Variants in IQSEC1 observed in about 807,000 individuals in gnomAD.
IQSEC1 encodes the protein IQ motif and SEC7 domain-containing protein 1.
Under a neutral mutation model 91.0 loss-of-function variants are expected in IQSEC1, and 31 were observed. That is an observed-to-expected ratio of 0.34 (90% CI 0.26 to 0.46). IQSEC1 has a LOEUF of 0.46. IQSEC1 is among the 20% of genes least tolerant of loss of function. IQSEC1 has a pLI of 1.00. For missense variants in IQSEC1, 1,388 were observed against 1,575.6 expected, an observed-to-expected ratio of 0.88 and a Z score of 2.02; for synonymous variants, 699 against 662.6, an observed-to-expected ratio of 1.05 and a Z score of -0.84.
At chr3:12,942,384 C>A (rs1052282503) in intron 1 of IQSEC1, among the ~76,000 whole-genome samples, 1 of 152,142 alleles carries the variant, frequency 6.6e-6, no homozygotes, top group Non-Finnish European at 1.5e-5. Flanking sequence ...GGGCGGATCA[C>A]GAGGTCAGGA....
intron 1 of IQSEC1, among the ~76,000 whole-genome samples, chr3:13,050,513 G>C (rs1430753597): frequency 6.6e-6 from 1 of 152,206 alleles, no homozygotes; most frequent in Non-Finnish European, 1.5e-5. Context: ...ATGCATATTT[G>C]AGATACATCA....
At chr3:13,255,528 G>A (rs545698414) in intron 1 of IQSEC1, among the ~76,000 whole-genome samples, 1 of 152,148 alleles carries the variant, frequency 6.6e-6, no homozygotes, top group Non-Finnish European at 1.5e-5. Flanking sequence ...AAAAAGTCTT[G>A]TATAATACAA....
chr3:13,256,365 T>G (rs1388928802), intron 1 of IQSEC1, among the ~76,000 whole-genome samples: 1 of 152,224 alleles, frequency 6.6e-6, no homozygotes, highest in Non-Finnish European at 1.5e-5. Flanking sequence ...TAAAAAAATC[T>G]ATGACACATC....
At chr3:13,059,835 C>T (rs1705003814) in intron 1 of IQSEC1, among the ~76,000 whole-genome samples, 1 of 152,006 alleles carries the variant, frequency 6.6e-6, no homozygotes, top group South Asian at 2.1e-4. Context: ...GGTCTCTGGT[C>T]ACTCTGTTGG....
In IQSEC1 at chr3:12,902,339, TG is replaced by T. The variant is rs752747183; in HGVS notation, c.2805+433del. Among the ~76,000 whole-genome samples the T allele has an allele frequency of 4.0e-5, 6 of 151,586 alleles. No homozygotes were observed. The South Asian group carries it at 1.2e-3, about 32-fold the overall frequency. ...AGAAAGCGATGAGGATGGGCGGGCG[TG>T]GAAGTCAAGGGTTCAGCAAAAACAT... On this transcript the variant is annotated intron_variant, in intron 13 of 13. Transcript: ENST00000613206.
intron 1 of IQSEC1, among the ~76,000 whole-genome samples, chr3:13,260,426 T>C (rs1048707695): frequency 2.0e-5 from 3 of 152,214 alleles, no homozygotes; most frequent in Admixed American, 1.3e-4. Flanking sequence ...AATCCCTGAA[T>C]GGCTTCTGTC....
At chr3:12,906,268 G>A (rs923185249) in intron 12 of IQSEC1, among the ~76,000 whole-genome samples, 1 of 152,196 alleles carries the variant, frequency 6.6e-6, no homozygotes, top group African/African-American at 2.4e-5. Context: ...GCTCATCGTG[G>A]TGTTTCAGGC....
At chr3:12,958,139 C>T (rs1336859330) in intron 1 of IQSEC1, among the ~76,000 whole-genome samples, 2 of 152,188 alleles carry the variant, frequency 1.3e-5, no homozygotes, top group South Asian at 2.1e-4. Context: ...CATCGAGCTC[C>T]CCCTGCCCTT....
At chr3:12,968,220 G>C (rs1414026631) in intron 1 of IQSEC1, among the ~76,000 whole-genome samples, 1 of 152,160 alleles carries the variant, frequency 6.6e-6, no homozygotes, top group Admixed American at 6.5e-5. Flanking sequence ...TGCCTGGACC[G>C]AACCGTGTGG....
intron 2 of IQSEC1, among the ~76,000 whole-genome samples, chr3:13,129,860 G>C (rs1477492070): frequency 6.6e-6 from 1 of 151,530 alleles, no homozygotes; most frequent in Non-Finnish European, 1.5e-5. Context: ...GGGTTTCACC[G>C]TGTTAGCCTG....
chr3:13,122,013 C>T (rs1472414115), intron 2 of IQSEC1, among the ~76,000 whole-genome samples: 1 of 152,264 alleles, frequency 6.6e-6, no homozygotes, highest in African/African-American at 2.4e-5. Flanking sequence ...GAGCTGACAG[C>T]ACTGGCCCTG....
At chr3:13,206,168 CCCATCCACCCCT>C (rs1245229478) in intron 1 of IQSEC1, among the ~76,000 whole-genome samples, 1 of 150,226 alleles carries the variant, frequency 6.7e-6, no homozygotes, top group East Asian at 2.0e-4. Flanking sequence ...CCTCCATCCA[CCCATCCACCCCT>C]CCATCCACCC....
intron 4 of IQSEC1, among the ~76,000 whole-genome samples, chr3:12,923,450 A>G (rs1475733057): frequency 1.3e-5 from 2 of 152,220 alleles, no homozygotes; most frequent in Admixed American, 1.3e-4. Flanking sequence ...GGTGCTGAGC[A>G]GGGAGAAAGA....
chr3:13,162,344 G>A lies in IQSEC1; in HGVS notation c.302+1760C>T, dbSNP rs923758025. On this transcript the variant is annotated intron_variant, in intron 2 of 15. Transcript: ENST00000648114. The stretch of plus-strand genomic sequence containing the variant: ...GGCCAGGGAGGGCCTGAGAGGCTGC[G>A]AGGCCATCTCCTTCCTGAGCCTGCA... Among the ~76,000 whole-genome samples, 11 of 152,316 alleles carry A rather than the reference G, an allele frequency of 7.2e-5. No individual in the cohort carries two copies. The South Asian group carries it at 1.0e-3, about 14-fold the overall frequency.
intron 1 of IQSEC1, among the ~76,000 whole-genome samples, chr3:13,234,650 G>A (rs1694894552): frequency 1.3e-5 from 2 of 152,162 alleles, no homozygotes; most frequent in Admixed American, 6.5e-5. Flanking sequence ...GCAGCAGCGA[G>A]AATCAAGTGA....
At chr3:12,957,410 G>C (rs1482373130) in intron 1 of IQSEC1, among the ~76,000 whole-genome samples, 1 of 152,240 alleles carries the variant, frequency 6.6e-6, no homozygotes, top group Non-Finnish European at 1.5e-5. Flanking sequence ...CACTCGGAAA[G>C]ATTTTTCAGA....
chr3:13,151,109 C>G (rs78340670), intron 2 of IQSEC1, among the ~76,000 whole-genome samples: 1,593 of 152,350 alleles, frequency 0.01, 29 homozygotes, highest in South Asian at 0.067. Flanking sequence ...GAAGTCGACA[C>G]AAATCACTTC....
At chr3:13,019,671 C>A (rs75918555) in intron 1 of IQSEC1, among the ~76,000 whole-genome samples, 1 of 152,170 alleles carries the variant, frequency 6.6e-6, no homozygotes, top group South Asian at 2.1e-4. Context: ...GCCCATCCTC[C>A]CCAGTTAACC....
At chr3:12,902,437 A>C (rs941993198) in intron 13 of IQSEC1, among the ~76,000 whole-genome samples, 1 of 151,982 alleles carries the variant, frequency 6.6e-6, no homozygotes, top group African/African-American at 2.4e-5. Flanking sequence ...GGGGATGGTC[A>C]ACCATGCTCA....
Sources: allele counts gnomAD v4.1 joint callset (sites outside exome capture counted in the v4.1 genomes callset), GRCh38; gene constraint gnomAD v4.1.1; transcripts MANE v1.5; gene names NCBI Gene and HGNC (gene_info 2026-07-23, HGNC 2026-07-21).